ARHGEF4: variants seen among roughly 807,000 people sequenced by gnomAD.
ARHGEF4 encodes APC-stimulated guanine nucleotide exchange factor 1.
In ARHGEF4, 119 loss-of-function variants were observed where a neutral mutation model predicts 162.0. The observed-to-expected ratio is 0.73, with a 90% CI of 0.63 to 0.86. The LOEUF (loss-of-function observed/expected upper bound fraction) is 0.86. Among genes scored for constraint, ARHGEF4 ranks in the 40% least tolerant of loss-of-function variants. The probability of loss-of-function intolerance (pLI) is 0.00; values close to 1 mark genes in which losing one functional copy is unlikely to be tolerated. For missense variants in ARHGEF4, 2,488 were observed against 2,456.0 expected (o/e 1.01, Z -0.28); for synonymous variants, 1,014 against 979.9 (o/e 1.03, Z -0.65).
intron 5 of ARHGEF4, chr2:131,035,583 G>A: frequency 2.4e-6 from 2 of 830,886 alleles, no homozygotes; most frequent in Non-Finnish European, 2.9e-6. Context: ...GTCTGGAAAC[G>A]GAGTGCATGT....
chr2:130,909,605 C>T (rs1356529801), intron 1 of ARHGEF4, among the ~76,000 whole-genome samples: 1 of 151,674 alleles, frequency 6.6e-6, no homozygotes, highest in African/African-American at 2.4e-5. Context: ...TTTGACTGTA[C>T]ACTTGAAATA....
At chr2:130,967,236 T>G (rs1685063709) in intron 4 of ARHGEF4, among the ~76,000 whole-genome samples, 1 of 152,206 alleles carries the variant, frequency 6.6e-6, no homozygotes, top group Non-Finnish European at 1.5e-5. Flanking sequence ...GAAATGTCGT[T>G]CATCTGGCTG....
chr2:131,002,906 A>G (rs1437883978), intron 4 of ARHGEF4, among the ~76,000 whole-genome samples: 1 of 152,056 alleles, frequency 6.6e-6, no homozygotes, highest in Non-Finnish European at 1.5e-5. Context: ...CCCTAGCCCT[A>G]TGGTTTTGTA....
At chr2:130,877,243 G>A (rs1678912582) in intron 1 of ARHGEF4, among the ~76,000 whole-genome samples, 1 of 152,108 alleles carries the variant, frequency 6.6e-6, no homozygotes, top group Admixed American at 6.5e-5. Context: ...GTGGAGAGGG[G>A]ATGTGCTTTT....
chr2:130,988,326 G>T (rs1380997477), intron 4 of ARHGEF4, among the ~76,000 whole-genome samples: 1 of 152,242 alleles, frequency 6.6e-6, no homozygotes, highest in African/African-American at 2.4e-5. Context: ...GTGAGCAGGA[G>T]TGCTGCATCC....
rs1247116656 is a variant in ARHGEF4 at position 130,954,560 on chromosome 2, TAAC to T, written c.3985+7928_3985+7930del. On this transcript the variant is annotated intron_variant, in intron 4 of 13. Coordinates refer to ENST00000409359, the MANE Select transcript of ARHGEF4 (RefSeq NM_001367493.1). Reference sequence around the variant, plus strand: ...ACTTAAAGTATAATTAAAAAAATAATAACAAATATTAAAAAATCCTTTTAGCAC... The same window carrying T: ...ACTTAAAGTATAATTAAAAAAATAATAAATATTAAAAAATCCTTTTAGCAC... Among the ~76,000 whole-genome samples the T allele has an allele frequency of 3.9e-5, 6 of 152,310 alleles. No homozygotes were observed. In the East Asian group the frequency reaches 1.2e-3, roughly 29 times the overall value.
chr2:130,945,797 T>C (rs1406454727), intron 3 of ARHGEF4, among the ~76,000 whole-genome samples: 1 of 152,172 alleles, frequency 6.6e-6, no homozygotes, highest in Non-Finnish European at 1.5e-5. Context: ...TGGGGTGAAG[T>C]GTGCAACTCC....
At chr2:131,017,184 T>C (rs1054801616) in intron 4 of ARHGEF4, among the ~76,000 whole-genome samples, 7 of 152,198 alleles carry the variant, frequency 4.6e-5, no homozygotes, top group African/African-American at 1.7e-4. Context: ...CTTTAACGCT[T>C]TCCTATGAAT....
chr2:130,987,210 G>A (rs1056372574), intron 4 of ARHGEF4, among the ~76,000 whole-genome samples: 2 of 152,224 alleles, frequency 1.3e-5, no homozygotes, highest in Non-Finnish European at 2.9e-5. Flanking sequence ...CTGGAAGGAG[G>A]AAGGCTGCCC....
At chr2:130,971,810 C>T (rs555813696) in intron 4 of ARHGEF4, among the ~76,000 whole-genome samples, 3 of 152,288 alleles carry the variant, frequency 2.0e-5, no homozygotes, top group South Asian at 2.1e-4. Context: ...ACATCTGAGG[C>T]GAGGCGGCCA....
intron 4 of ARHGEF4, among the ~76,000 whole-genome samples, chr2:131,024,410 G>C (rs377583733): frequency 3.2e-4 from 12 of 37,262 alleles, no homozygotes; most frequent in African/African-American, 4.3e-4. Context: ...TGAGTAGCTA[G>C]GACTACAGGT....
At chr2:130,902,589 A>T (rs1244780683) in intron 1 of ARHGEF4, among the ~76,000 whole-genome samples, 3 of 151,774 alleles carry the variant, frequency 2.0e-5, no homozygotes, top group Non-Finnish European at 4.4e-5. Context: ...GCGAGACTCC[A>T]TCTCAAAAAT....
chr2:130,902,921 TG>T (rs1320286440), intron 1 of ARHGEF4, among the ~76,000 whole-genome samples: 2 of 114,102 alleles, frequency 1.8e-5, no homozygotes, highest in Non-Finnish European at 3.9e-5. Flanking sequence ...ACAGGGGCTC[TG>T]TTTTTTTGTT....
intron 1 of ARHGEF4, among the ~76,000 whole-genome samples, chr2:130,908,694 AT>A (rs975852822): frequency 2.6e-5 from 4 of 151,916 alleles, no homozygotes; most frequent in African/African-American, 9.7e-5. Context: ...TAATAATAAA[AT>A]TTAAAAAAAA....
intron 4 of ARHGEF4, among the ~76,000 whole-genome samples, chr2:130,974,870 A>G (rs986963037): frequency 6.6e-6 from 1 of 152,212 alleles, no homozygotes; most frequent in Non-Finnish European, 1.5e-5. Flanking sequence ...CTGCCATCTG[A>G]GTAGATTCCA....
At chr2:130,935,962 G>C (rs935638482) in intron 3 of ARHGEF4, among the ~76,000 whole-genome samples, 8 of 152,206 alleles carry the variant, frequency 5.3e-5, no homozygotes, top group Admixed American at 5.2e-4. Context: ...CTACTGGGGA[G>C]GCTAAGGCAG....
chr2:130,884,231 T>TACAC (rs71398510), intron 1 of ARHGEF4, among the ~76,000 whole-genome samples: 11 of 151,554 alleles, frequency 7.3e-5, no homozygotes, highest in East Asian at 3.9e-4. Context: ...ACTCAATTTA[T>TACAC]ACACACACAC....
chr2:130,930,939 C>T lies in ARHGEF4; in HGVS notation c.3553-13C>T, dbSNP rs1268742950. ...TGACCTCTGACCCCTGACCCGTTCTCTCTGCTCTCCAGAACCACATGCCCT... is the reference window on the plus strand; with the variant it reads ...TGACCTCTGACCCCTGACCCGTTCTTTCTGCTCTCCAGAACCACATGCCCT... On this transcript the variant is annotated splice_polypyrimidine_tract_variant and intron_variant, in intron 2 of 13. Coordinates refer to ENST00000409359, the MANE Select transcript of ARHGEF4 (RefSeq NM_001367493.1). 1 of 1,594,222 alleles carries T rather than the reference C, an allele frequency of 6.3e-7. No individual in the cohort carries two copies. Among genetic ancestry groups the T allele is most frequent in the Non-Finnish European group, 8.6e-7 (1 of 1,166,386 alleles).
At chr2:130,943,690 A>C (rs964551465) in intron 3 of ARHGEF4, among the ~76,000 whole-genome samples, 2 of 152,176 alleles carry the variant, frequency 1.3e-5, no homozygotes, top group African/African-American at 2.4e-5. Flanking sequence ...AGTGGAAGGA[A>C]TGTAGACATC....
Sources: allele counts gnomAD v4.1 joint callset (sites outside exome capture counted in the v4.1 genomes callset), GRCh38; gene constraint gnomAD v4.1.1; transcripts MANE v1.5; gene names NCBI Gene and HGNC (gene_info 2026-07-23, HGNC 2026-07-21).